RXRG: variants seen among roughly 807,000 people sequenced by gnomAD.
The protein encoded by RXRG is retinoic acid receptor RXR-gamma.
Under a neutral mutation model 49.2 loss-of-function variants are expected in RXRG, and 19 were observed. The observed-to-expected ratio is 0.39, with a 90% CI of 0.27 to 0.57. The LOEUF (loss-of-function observed/expected upper bound fraction) is 0.57, where lower values mean the gene tolerates loss of function less well. Among genes scored for constraint, RXRG ranks in the 20% least tolerant of loss-of-function variants. RXRG has a pLI of 0.64. For synonymous variants in RXRG, 224 were observed against 216.6 expected (o/e 1.03, Z -0.30); for missense variants, 452 against 592.5 (o/e 0.76, Z 2.46).
intron 2 of RXRG, among the ~76,000 whole-genome samples, chr1:165,422,678 T>G (rs185176259): frequency 2.6e-5 from 4 of 152,248 alleles, no homozygotes; most frequent in African/African-American, 7.2e-5. Flanking sequence ...GCTAGGAGAA[T>G]TGATTTAGTT....
intron 1 of RXRG, among the ~76,000 whole-genome samples, chr1:165,441,466 G>A (rs2101750309): frequency 6.6e-6 from 1 of 152,262 alleles, no homozygotes; most frequent in Middle Eastern, 3.4e-3. Flanking sequence ...ATCCCTGGCT[G>A]TGCCATTTTC....
intron 8 of RXRG, 77 bp from the exon 9 acceptor site, chr1:165,406,994 CTG>C (rs113398546): frequency 0.7 from 706,478 of 1,014,692 alleles, 248,252 homozygotes; most frequent in African/African-American, 0.85. Flanking sequence ...TGGCCACTCT[CTG>C]TAGAGTTACT....
chr1:165,435,339 G>A (rs551098664), intron 1 of RXRG, among the ~76,000 whole-genome samples: 24 of 152,254 alleles, frequency 1.6e-4, no homozygotes, highest in South Asian at 1.5e-3. Flanking sequence ...TCTCAAGGGC[G>A]CTTGGAAATA....
intron 2 of RXRG, among the ~76,000 whole-genome samples, chr1:165,425,406 C>T (rs1486742532): frequency 2.0e-5 from 3 of 152,160 alleles, no homozygotes; most frequent in African/African-American, 4.8e-5. Flanking sequence ...CACCTTATTC[C>T]GTGCTTATCC....
chr1:165,436,917 T>G, intron 1 of RXRG: 1 of 1,110,266 alleles, frequency 9.0e-7, no homozygotes, highest in Admixed American at 4.5e-5. Context: ...CAACCAAACT[T>G]GAAAAGTGGA....
intron 1 of RXRG, among the ~76,000 whole-genome samples, chr1:165,435,214 T>C (rs1658787590): frequency 6.6e-6 from 1 of 152,202 alleles, no homozygotes; most frequent in South Asian, 2.1e-4. Context: ...AATATCTTGA[T>C]TCACAAGCAT....
chr1:165,428,241 T>A (rs148019850), intron 2 of RXRG, among the ~76,000 whole-genome samples: 6 of 152,212 alleles, frequency 3.9e-5, no homozygotes, highest in Non-Finnish European at 7.3e-5. Context: ...GCATAGCATG[T>A]AATGCAGTCT....
At chr1:165,439,143 T>G (rs982923953) in intron 1 of RXRG, among the ~76,000 whole-genome samples, 1 of 152,062 alleles carries the variant, frequency 6.6e-6, no homozygotes, top group African/African-American at 2.4e-5. Flanking sequence ...GATTTTTCTC[T>G]CAATTGATCC....
chr1:165,409,815 G>C, intron 6 of RXRG, 125 bp from the exon 7 acceptor site: 1 of 914,942 alleles, frequency 1.1e-6, no homozygotes, highest in Non-Finnish European at 1.5e-6. Context: ...GGGAGGTTAA[G>C]AATTAGTTCA....
At chr1:165,424,907 T>TG (rs1371636434) in intron 2 of RXRG, 2 of 985,556 alleles carry the variant, frequency 2.0e-6, no homozygotes, top group Admixed American at 6.1e-5. Context: ...CAGTGTCATC[T>TG]CGTTAACCGA....
At chr1:165,416,475 TA>T (rs1204966830) in intron 4 of RXRG, among the ~76,000 whole-genome samples, 1 of 152,190 alleles carries the variant, frequency 6.6e-6, no homozygotes, top group Non-Finnish European at 1.5e-5. Context: ...CAAACCTGTG[TA>T]ATGCCAGTAA....
chr1:165,421,437 T>A (rs10918176), intron 2 of RXRG, among the ~76,000 whole-genome samples: 65,802 of 151,614 alleles, frequency 0.43, 15,458 homozygotes, highest in South Asian at 0.56. Flanking sequence ...CTGGTTCTCA[T>A]CCCTGGGGGC....
rs568720285 is a variant in RXRG, at chr1:165,424,838, T to A, written c.297+3881A>T. The A allele has an allele frequency of 1.3e-5, 13 of 985,498 alleles. No individual in the cohort carries two copies. In the African/African-American group the frequency reaches 1.7e-4, roughly 13 times the overall value. 61.0% of individuals were successfully genotyped at this position (985,498 alleles called of 1,614,324 possible). A position where few individuals can be genotyped will look rare whatever the true frequency, so the allele number is the denominator to read the frequency against. On this transcript the variant is annotated intron_variant, in intron 2 of 9. Coordinates refer to ENST00000359842, the MANE Select transcript of RXRG (RefSeq NM_006917.5). Reference sequence around the variant, plus strand: ...GTGAGGAAGGCAGGATGCATAGGAATAATCTGCCCAGACGATCCAGAGTCC... The same window carrying A: ...GTGAGGAAGGCAGGATGCATAGGAAAAATCTGCCCAGACGATCCAGAGTCC...
chr1:165,409,956 T>C (rs1305585355), intron 6 of RXRG, among the ~76,000 whole-genome samples: 1 of 151,924 alleles, frequency 6.6e-6, no homozygotes, highest in African/African-American at 2.4e-5. Context: ...ATTCTTTTTT[T>C]TTTTAATCAG....
intron 3 of RXRG, among the ~76,000 whole-genome samples, chr1:165,417,798 G>T (rs1409654352): frequency 1.3e-5 from 2 of 152,152 alleles, no homozygotes; most frequent in African/African-American, 4.8e-5. Context: ...ATGACATAAA[G>T]ATCTGATAGA....
At position 165,428,959 on chromosome 1, in the gene RXRG, A is replaced by G. The variant is rs1658582582; in HGVS notation, c.57T>C (p.Pro19=). 1 of 1,612,592 alleles carries G rather than the reference A, an allele frequency of 6.2e-7. No individual in the cohort carries two copies. Among genetic ancestry groups the G allele is most frequent in the African/African-American group, 1.3e-5 (1 of 74,910 alleles). ...TCATGGATGTAGAGCCAGTGTGGCC[A>G]GGGGAGCCTGTAAGAAGAAGAATAT... ...MKFPAGYGGS[P]GHTGSTSMSP... Residue 19 remains proline (P), a synonymous_variant, in exon 2 of 10, where the codon CCT becomes CCC. Transcript: ENST00000359842.
chr1:165,433,818 G>C (rs1019321086), intron 1 of RXRG, among the ~76,000 whole-genome samples: 4 of 152,256 alleles, frequency 2.6e-5, no homozygotes, highest in Non-Finnish European at 2.9e-5. Context: ...ACTGGACCAT[G>C]TTAGGCCTTC....
chr1:165,409,913 G>C (rs74121154), intron 6 of RXRG, among the ~76,000 whole-genome samples: 2,019 of 151,704 alleles, frequency 0.013, 43 homozygotes, highest in African/African-American at 0.046. Context: ...CTCTCTCTCA[G>C]ATGCAACCCA....
intron 9 of RXRG, 92 bp from the exon 10 acceptor site, chr1:165,401,502 G>T: frequency 7.0e-7 from 1 of 1,425,954 alleles, no homozygotes; most frequent in South Asian, 1.2e-5. Context: ...TGGCCTTCTC[G>T]ACCCATCTGT....
Sources: allele counts gnomAD v4.1 joint callset (sites outside exome capture counted in the v4.1 genomes callset), GRCh38; gene constraint gnomAD v4.1.1; transcripts MANE v1.5; gene names NCBI Gene and HGNC (gene_info 2026-07-23, HGNC 2026-07-21).